CPT2: variants seen among roughly 807,000 people sequenced by gnomAD.
CPT2 encodes carnitine O-palmitoyltransferase 2, mitochondrial.
CPT2 carries 37 observed loss-of-function variants against 48.6 expected under a neutral mutation model. The observed-to-expected ratio is 0.76, with a 90% CI of 0.59 to 1.00. The LOEUF is 1.00. Among genes scored for constraint, CPT2 ranks in the 50% least tolerant of loss-of-function variants. The pLI is 0.00. For missense variants in CPT2, 772 were observed against 825.6 expected (o/e 0.94, Z 0.80); for synonymous variants, 319 against 326.9 (o/e 0.98, Z 0.26).
Position 53,211,065 on chromosome 1 carries a change from A to G in CPT2, c.1391A>G (p.Asp464Gly). Residue 464 changes from aspartate (D) to glycine (G), a missense_variant, in exon 4 of 5, where the codon GAC becomes GGC. Asp to Gly is a moderately conservative substitution (Grantham distance 94, BLOSUM62 -1). Coordinates refer to ENST00000371486, the MANE Select transcript of CPT2 (RefSeq NM_000098.3). Reference sequence around the variant, plus strand: ...CTGAAGAAGCAAAAGCTGAGCCCTGACGCAGTTGCCCAGCTGGCATTCCAG... The same window carrying G: ...CTGAAGAAGCAAAAGCTGAGCCCTGGCGCAGTTGCCCAGCTGGCATTCCAG... ...EFLKKQKLSP[D>G]AVAQLAFQMA... The G allele has an allele frequency of 6.2e-7, 1 of 1,614,164 alleles. No homozygotes were observed. Among genetic ancestry groups the G allele is most frequent in the South Asian group, 1.1e-5 (1 of 91,068 alleles).
At chr1:53,209,937 A>C in intron 3 of CPT2, 78 bp from the exon 4 acceptor site, 1 of 1,281,252 alleles carries the variant, frequency 7.8e-7, no homozygotes, top group Non-Finnish European at 1.1e-6. Context: ...TCTATGCTTG[A>C]ATTTTTTTTC....
rs1645450362 is a variant in CPT2, at chr1:53,214,038, G to A, written c.*443G>A. 1.0e-5 allele frequency: 2 copies of A among 192,600 alleles called. No individual in the cohort carries two copies. Among genetic ancestry groups the A allele is most frequent in the South Asian group, 1.9e-4 (2 of 10,418 alleles). The allele number at this position is 192,600 out of a possible 1,614,324, so 11.9% of individuals were successfully genotyped here. Reference sequence around the variant, plus strand: ...CTACAGGCTTGAGCTTTAAATTCATGGTTTTAAAGCTAAACGTAATTTCCA... The same window carrying A: ...CTACAGGCTTGAGCTTTAAATTCATAGTTTTAAAGCTAAACGTAATTTCCA... On this transcript the variant is annotated 3_prime_UTR_variant, in exon 5 of 5. Transcript: ENST00000371486.
intron 1 of CPT2, among the ~76,000 whole-genome samples, chr1:53,197,956 A>T (rs1645333858): frequency 6.6e-6 from 1 of 152,052 alleles, no homozygotes; most frequent in African/African-American, 2.4e-5. Context: ...CACTTCACCC[A>T]GAATCGACTT....
At chr1:53,211,434 C>A in intron 4 of CPT2, 115 bp downstream of exon 4, 1 of 1,093,448 alleles carries the variant, frequency 9.1e-7, no homozygotes, top group Non-Finnish European at 1.3e-6. Context: ...TTTAATCCAT[C>A]GCCAACTCCC....
chr1:53,205,986 T>C (rs1484133945), intron 3 of CPT2, among the ~76,000 whole-genome samples: 1 of 151,950 alleles, frequency 6.6e-6, no homozygotes, highest in Admixed American at 6.6e-5. Flanking sequence ...ATCGAGACCA[T>C]CCTGGCTAAC....
chr1:53,203,839 T>C (rs995386679), intron 3 of CPT2: 2 of 151,692 alleles, frequency 1.3e-5, no homozygotes, highest in African/African-American at 2.4e-5. Flanking sequence ...AAACAGAATA[T>C]GGGAAGCAAA....
rs1270645489 is a variant in CPT2 at position 53,213,456 on chromosome 1, G to C, written c.1838G>C (p.Gly613Ala). The change falls in exon 5 of 5, where the codon GGG becomes GCG. Residue 613 changes from glycine to alanine, a missense_variant. Coordinates refer to ENST00000371486, the MANE Select transcript of CPT2 (RefSeq NM_000098.3). ...APVVSDGFGV[G>A]YAVHDNWIGC... ...GTGGTCTCTGATGGCTTTGGTGTTG[G>C]GTATGCTGTTCATGACAACTGGATA... The C allele has an allele frequency of 2.5e-6, 4 of 1,614,214 alleles. No individual in the cohort carries two copies.
Position 53,210,468 on chromosome 1 carries a change from G to A in CPT2, c.794G>A (p.Ser265Asn), listed in dbSNP as rs763502641. Residue 265 changes from serine to asparagine, a missense_variant, in exon 4 of 5, where the codon AGC becomes AAC. By Grantham distance (46) the Ser-to-Asn change is conservative. Transcript: ENST00000371486. ...DVLDQDGNIV[S>N]PSEIQAHLKY... ...CTGGATCAAGATGGGAACATTGTGA[G>A]CCCCTCGGAAATCCAGGCACATCTG... The A allele has an allele frequency of 6.2e-7, 1 of 1,614,072 alleles. No homozygotes were observed. The highest frequency in any genetic ancestry group is 1.1e-5 in the South Asian group (1 of 91,082).
Position 53,212,039 on chromosome 1 carries a change from T to C in CPT2, c.1645+720T>C, listed in dbSNP as rs1196272490. Reference sequence around the variant, plus strand: ...TCCCAAATAGCTGGGACTATAGGCATGCACCACCATGCCCAGCTGATATTT... The same window carrying C: ...TCCCAAATAGCTGGGACTATAGGCACGCACCACCATGCCCAGCTGATATTT... On this transcript the variant is annotated intron_variant, in intron 4 of 4. Transcript: ENST00000371486. 1.4e-4 allele frequency among the ~76,000 whole-genome samples: 21 copies of C among 151,110 alleles called. No homozygotes were observed. The Admixed American group carries it at 1.4e-3, about 10-fold the overall frequency.
At position 53,197,061 on chromosome 1, in the gene CPT2, G is replaced by T; in HGVS notation, c.118G>T (p.Val40Leu). ...GPGQYLQRSI[V>L]PTMHYQDSLP... The stretch of plus-strand genomic sequence containing the variant: ...CGGCCAGTACCTGCAGCGCAGCATC[G>T]TGCCCACCATGCACTACCAGGACAG... Residue 40 changes from valine (V) to leucine (L), a missense_variant, in exon 1 of 5, where the codon GTG (valine) becomes TTG (leucine). Transcript: ENST00000371486. 1 of 1,539,142 alleles carries T rather than the reference G, an allele frequency of 6.5e-7. No homozygotes were observed.
At chr1:53,197,686 C>A (rs907553803) in intron 1 of CPT2, among the ~76,000 whole-genome samples, 5 of 151,796 alleles carry the variant, frequency 3.3e-5, no homozygotes, top group African/African-American at 1.2e-4. Flanking sequence ...CTCAACTGAC[C>A]CTCCCCCATG....
chr1:53,212,784 G>GA (rs1476169725), intron 4 of CPT2: 1 of 413,140 alleles, frequency 2.4e-6, no homozygotes, highest in Non-Finnish European at 4.3e-6. Flanking sequence ...TTTATAGGGA[G>GA]AAAACCAAGC....
At chr1:53,201,982 C>T in intron 2 of CPT2, 1 of 304,826 alleles carries the variant, frequency 3.3e-6, no homozygotes, top group South Asian at 3.2e-5. Context: ...GTAACTTATC[C>T]AAGATCACAC....
At position 53,210,181 on chromosome 1, in the gene CPT2, CCTT is replaced by C; in HGVS notation, c.510_512del (p.Leu171del). 1 of 1,614,120 alleles carries C rather than the reference CCTT, an allele frequency of 6.2e-7. No individual in the cohort carries two copies. The highest frequency in any genetic ancestry group is 8.5e-7 in the Non-Finnish European group (1 of 1,180,030). Reference sequence around the variant, plus strand: ...GGTTTCTGAAGACACTCCGGGCTGGCCTTCTGGAGCCAGAAGTGTTCCACTTGA... The same window carrying C: ...GGTTTCTGAAGACACTCCGGGCTGGCCTGGAGCCAGAAGTGTTCCACTTGA... On this transcript the variant is annotated inframe_deletion, in exon 4 of 5. Transcript: ENST00000371486.
chr1:53,205,515 G>T (rs1205514390), intron 3 of CPT2, among the ~76,000 whole-genome samples: 1 of 152,176 alleles, frequency 6.6e-6, no homozygotes, highest in African/African-American at 2.4e-5. Flanking sequence ...CCATGCAGTA[G>T]AAAAGAAAAA....
At chr1:53,212,199 G>T (rs2100276333) in intron 4 of CPT2, among the ~76,000 whole-genome samples, 1 of 152,006 alleles carries the variant, frequency 6.6e-6, no homozygotes, top group African/African-American at 2.4e-5. Flanking sequence ...TGAGTAGTTG[G>T]GACTACAGGC....
intron 3 of CPT2, chr1:53,203,024 T>C (rs1645364042): frequency 6.3e-6 from 1 of 157,728 alleles, no homozygotes; most frequent in African/African-American, 2.4e-5. Flanking sequence ...GTTTATATAT[T>C]TACCAAGGTT....
At chr1:53,212,309 C>T (rs548243570) in intron 4 of CPT2, among the ~76,000 whole-genome samples, 2 of 152,108 alleles carry the variant, frequency 1.3e-5, no homozygotes, top group Non-Finnish European at 2.9e-5. Flanking sequence ...ATGATCTACC[C>T]GCCTCACCCT....
Position 53,211,225 on chromosome 1 carries a change from C to T in CPT2, c.1551C>T (p.Val517=). The T allele has an allele frequency of 6.2e-7, 1 of 1,609,974 alleles. No individual in the cohort carries two copies. The highest frequency in any genetic ancestry group is 8.5e-7 in the Non-Finnish European group (1 of 1,177,288). ...CAAAGAGGTGCTCTGAGGCCTTTGTCAGGGAGCCCTCCAGGCACAGTGCTG... is the reference window on the plus strand; with the variant it reads ...CAAAGAGGTGCTCTGAGGCCTTTGTTAGGGAGCCCTCCAGGCACAGTGCTG... ...VYTKRCSEAF[V]REPSRHSAGE... The change falls in exon 4 of 5, where the codon GTC becomes GTT. Residue 517 remains valine (V), a synonymous_variant. Coordinates refer to ENST00000371486, the MANE Select transcript of CPT2 (RefSeq NM_000098.3).
Sources: allele counts gnomAD v4.1 joint callset (sites outside exome capture counted in the v4.1 genomes callset), GRCh38; gene constraint gnomAD v4.1.1; transcripts MANE v1.5; gene names NCBI Gene and HGNC (gene_info 2026-07-23, HGNC 2026-07-21).